The following VPS8 variants were observed in gnomAD, a reference collection of about 807,000 sequenced individuals.
VPS8 encodes VPS8 subunit of CORVET complex, also known as vacuolar protein sorting-associated protein 8 homolog.
VPS8 carries 129 observed loss-of-function variants against 216.4 expected under a neutral mutation model. That is an observed-to-expected ratio of 0.60 (90% CI 0.52 to 0.69). The LOEUF is 0.69. Among genes scored for constraint, VPS8 ranks in the 30% least tolerant of loss-of-function variants. The pLI is 0.00. For synonymous variants in VPS8, 571 were observed against 565.4 expected (o/e 1.01, Z -0.14); for missense variants, 1,531 against 1,683.5 (o/e 0.91, Z 1.59).
chr3:184,950,323 T>C (rs1435487076), intron 36 of VPS8, among the ~76,000 whole-genome samples: 1 of 137,480 alleles, frequency 7.3e-6, no homozygotes, highest in Admixed American at 8.0e-5. Flanking sequence ...CCACCACATC[T>C]AAGGACTGGA....
intron 39 of VPS8, among the ~76,000 whole-genome samples, 182 bp downstream of exon 39, chr3:184,966,895 A>G (rs1011884317): frequency 5.3e-5 from 8 of 152,340 alleles, no homozygotes; most frequent in East Asian, 3.9e-4. Flanking sequence ...AGGAAATCAT[A>G]GAAACCATTG....
At position 184,894,941 on chromosome 3, in the gene VPS8, G is replaced by T. The variant is rs775045962; in HGVS notation, c.2004+16G>T. Reference sequence around the variant, plus strand: ...TATTCAGCAGGTGAGTTTATAGACAGTCTACTAACTTATGAAATAAACTTC... The same window carrying T: ...TATTCAGCAGGTGAGTTTATAGACATTCTACTAACTTATGAAATAAACTTC... On this transcript the variant is annotated intron_variant, in intron 23 of 47. Transcript: ENST00000625842. 116 of 1,572,822 alleles carry T rather than the reference G, an allele frequency of 7.4e-5. No individual in the cohort carries two copies. The highest frequency in any genetic ancestry group is 1.0e-4 in the Non-Finnish European group (116 of 1,154,700).
chr3:184,898,604 A>G lies in VPS8; in HGVS notation c.2044A>G (p.Met682Val), dbSNP rs560880756. 106 of 1,555,354 alleles carry G rather than the reference A, an allele frequency of 6.8e-5. 1 individual carries two copies. The Admixed American group carries it at 1.9e-3, about 29-fold the overall frequency. The change falls in exon 24 of 48, where the codon ATG (methionine) becomes GTG (valine). Residue 682 changes from methionine to valine, a missense_variant. Met to Val is a conservative substitution (Grantham distance 21). This residue lies in a region of VPS8 where 1,318 missense variants were observed against 1,468.4 expected (regional missense o/e 0.90). Transcript: ENST00000625842. ...MCWENRLYDA[M>V]IYVYNRGMNE... The stretch of plus-strand genomic sequence containing the variant: ...TTGGGAAAATCGTTTATATGATGCT[A>G]TGATCTATGTCTACAACAGAGGCAT...
chr3:184,993,361 G>T (rs546142133), intron 42 of VPS8, among the ~76,000 whole-genome samples: 1 of 150,172 alleles, frequency 6.7e-6, no homozygotes, highest in Non-Finnish European at 1.5e-5. Flanking sequence ...TTTGTTTTTT[G>T]GGTTTTTTTT....
intron 46 of VPS8, among the ~76,000 whole-genome samples, chr3:185,034,925 G>A (rs550979982): frequency 2.8e-4 from 42 of 152,138 alleles, no homozygotes; most frequent in Non-Finnish European, 4.7e-4. Context: ...CACCACAACC[G>A]ATCCCACAGA....
chr3:184,818,947 C>T (rs989021459), intron 1 of VPS8, among the ~76,000 whole-genome samples: 1 of 151,940 alleles, frequency 6.6e-6, no homozygotes, highest in Non-Finnish European at 1.5e-5. Flanking sequence ...GTAGGAGGAT[C>T]GCTTGAGGCC....
chr3:184,933,424 T>G (rs1741037843), intron 34 of VPS8, among the ~76,000 whole-genome samples: 1 of 152,170 alleles, frequency 6.6e-6, no homozygotes, highest in South Asian at 2.1e-4. Context: ...ACTTACTGTT[T>G]TGGAAGATTT....
chr3:184,843,206 A>G (rs1722507827), intron 7 of VPS8, 34 bp from the exon 8 acceptor site: 3 of 1,415,398 alleles, frequency 2.1e-6, no homozygotes, highest in African/African-American at 2.9e-5. Context: ...GCTTTTCTTT[A>G]TCTTTCTTGA....
chr3:185,041,496 G>A (rs1432282677), intron 46 of VPS8, among the ~76,000 whole-genome samples: 51 of 152,088 alleles, frequency 3.4e-4, no homozygotes, highest in Admixed American at 6.5e-5. Flanking sequence ...GTTGCCTCAC[G>A]GCTACCGTCT....
chr3:184,962,446 G>A (rs780553008), intron 37 of VPS8, among the ~76,000 whole-genome samples: 3 of 152,126 alleles, frequency 2.0e-5, no homozygotes, highest in Non-Finnish European at 4.4e-5. Flanking sequence ...GCCATGGTGG[G>A]TATTAGTGAT....
At chr3:184,923,534 A>G (rs1739034835) in intron 29 of VPS8, among the ~76,000 whole-genome samples, 1 of 151,978 alleles carries the variant, frequency 6.6e-6, no homozygotes, top group Non-Finnish European at 1.5e-5. Context: ...TATCCCATGT[A>G]CTGCTGACAG....
At chr3:184,863,924 T>A (rs1726858083) in intron 16 of VPS8, among the ~76,000 whole-genome samples, 1 of 152,286 alleles carries the variant, frequency 6.6e-6, no homozygotes, top group East Asian at 1.9e-4. Flanking sequence ...CCTCCCACTT[T>A]AAAAACCAAG....
At chr3:184,888,469 T>C (rs547406003) in intron 22 of VPS8, among the ~76,000 whole-genome samples, 10 of 152,226 alleles carry the variant, frequency 6.6e-5, no homozygotes, top group Admixed American at 1.3e-4. Flanking sequence ...ATGATATGTC[T>C]GCTAACCTGA....
chr3:184,829,776 G>A (rs1577760886), intron 3 of VPS8, among the ~76,000 whole-genome samples: 2 of 152,186 alleles, frequency 1.3e-5, no homozygotes, highest in Admixed American at 1.3e-4. Flanking sequence ...AAAGACTAAT[G>A]AAATTGGGTA....
chr3:184,986,350 T>A (rs1248327280), intron 42 of VPS8, among the ~76,000 whole-genome samples: 1 of 152,156 alleles, frequency 6.6e-6, no homozygotes, highest in Non-Finnish European at 1.5e-5. Context: ...ATTTGAGAGA[T>A]AGGCAGGGAC....
chr3:184,843,164 G>T, intron 7 of VPS8, 76 bp from the exon 8 acceptor site: 2 of 1,152,818 alleles, frequency 1.7e-6, no homozygotes, highest in South Asian at 1.9e-5. Context: ...TTTTTTACCT[G>T]CCTTTTCTTC....
At chr3:184,892,326 C>T (rs1399482980) in intron 22 of VPS8, among the ~76,000 whole-genome samples, 1 of 152,122 alleles carries the variant, frequency 6.6e-6, no homozygotes, top group Non-Finnish European at 1.5e-5. Context: ...AAGCAATTCT[C>T]CTGCCTCAGC....
intron 31 of VPS8, 103 bp from the exon 32 acceptor site, chr3:184,928,348 T>C (rs1578287338): frequency 9.3e-7 from 1 of 1,075,206 alleles, no homozygotes; most frequent in Non-Finnish European, 1.3e-6. Flanking sequence ...CAACTAAGAA[T>C]ACAAAAGAAA....
chr3:184,955,967 C>CA (rs63345161), intron 36 of VPS8, among the ~76,000 whole-genome samples: 76,571 of 146,484 alleles, frequency 0.52, 20,883 homozygotes, highest in East Asian at 0.69. Context: ...TTATAAGATA[C>CA]AAAAAAAAAA....
Sources: gnomAD v4.1 joint callset for allele counts (sites outside exome capture counted in the v4.1 genomes callset) on GRCh38, gnomAD v4.1.1 for gene constraint, gnomAD v4.1.1 regional missense constraint, MANE v1.5 for transcripts, NCBI Gene and HGNC (gene_info 2026-07-23, HGNC 2026-07-21) for gene names.